RBFOX1: variants seen among roughly 807,000 people sequenced by gnomAD.
RBFOX1 encodes the protein RNA binding fox-1 homolog 1.
In RBFOX1, 8 loss-of-function variants were observed where a neutral mutation model predicts 57.7. The observed-to-expected ratio is 0.14, with a 90% CI of 0.08 to 0.25. The LOEUF is 0.25. Ranked by LOEUF, RBFOX1 falls within the 10% of genes least tolerant of loss-of-function variation. The pLI is 1.00. For synonymous variants in RBFOX1, 326 were observed against 222.4 expected, an observed-to-expected ratio of 1.47 and a Z score of -4.15; for missense variants, 611 against 548.5, an observed-to-expected ratio of 1.11 and a Z score of -1.14.
At chr16:6,897,002 G>A (rs1412392643) in intron 3 of RBFOX1, among the ~76,000 whole-genome samples, 1 of 152,188 alleles carries the variant, frequency 6.6e-6, no homozygotes. Context: ...AACAGCAGCA[G>A]GGGACGCACC....
intron 3 of RBFOX1, among the ~76,000 whole-genome samples, chr16:7,008,290 C>A (rs972265828): frequency 3.9e-5 from 6 of 151,916 alleles, no homozygotes; most frequent in Non-Finnish European, 7.4e-5. Context: ...ACCTGTAATC[C>A]CAGCACTTTG....
chr16:6,936,799 G>C (rs1323356077), intron 3 of RBFOX1, among the ~76,000 whole-genome samples: 2 of 152,046 alleles, frequency 1.3e-5, no homozygotes, highest in African/African-American at 4.8e-5. Flanking sequence ...TTGAAAGCCT[G>C]TGCCCAAAAC....
At chr16:7,608,926 C>G (rs2056881429) in intron 10 of RBFOX1, among the ~76,000 whole-genome samples, 1 of 152,092 alleles carries the variant, frequency 6.6e-6, no homozygotes, top group South Asian at 2.1e-4. Context: ...GATGAGAGTA[C>G]TAGTCCTTCA....
chr16:5,246,196 C>A (rs377307944), intron 1 of RBFOX1, among the ~76,000 whole-genome samples: 1 of 152,122 alleles, frequency 6.6e-6, no homozygotes, highest in East Asian at 1.9e-4. Context: ...CAGCCGAGAT[C>A]GCGCCACTGC....
At chr16:5,561,659 A>T (rs967361354) in intron 2 of RBFOX1, among the ~76,000 whole-genome samples, 16 of 152,148 alleles carry the variant, frequency 1.1e-4, no homozygotes. Flanking sequence ...ATTATTAATA[A>T]TATGACTTAA....
intron 4 of RBFOX1, among the ~76,000 whole-genome samples, chr16:7,113,694 A>T (rs769046725): frequency 2.6e-5 from 4 of 152,218 alleles, no homozygotes; most frequent in Non-Finnish European, 4.4e-5. Flanking sequence ...GCATGTCAAC[A>T]TGTGGAGATC....
intron 3 of RBFOX1, among the ~76,000 whole-genome samples, chr16:6,806,785 CCTTTT>C (rs1408233963): frequency 8.6e-6 from 1 of 116,848 alleles, no homozygotes; most frequent in Non-Finnish European, 1.8e-5. Flanking sequence ...TTTTCTCTTT[CCTTTT>C]CATTTATATA....
At chr16:6,555,992 C>G (rs939707689) in intron 2 of RBFOX1, among the ~76,000 whole-genome samples, 34 of 152,146 alleles carry the variant, frequency 2.2e-4, no homozygotes, top group Non-Finnish European at 8.8e-5. Context: ...TTGGAACCGA[C>G]TACATTTTTT....
chr16:6,964,497 A>G lies in RBFOX1; in HGVS notation c.-15-87560A>G, dbSNP rs151257183. On this transcript the variant is annotated intron_variant, in intron 3 of 15. Coordinates refer to ENST00000550418, the MANE Select transcript of RBFOX1 (RefSeq NM_018723.4). ...TGTATATGGTTATCAACTGTAACAA[A>G]TTGCACCTCTGGTAGGGGGTTTTGT... Among the ~76,000 whole-genome samples the G allele has an allele frequency of 1.1e-4, 16 of 152,278 alleles. No homozygotes were observed. In the East Asian group the frequency reaches 3.1e-3, roughly 29 times the overall value.
chr16:5,477,323 CGTTGGCAGATGGAT>C (rs1256333533), intron 2 of RBFOX1, among the ~76,000 whole-genome samples: 1 of 152,120 alleles, frequency 6.6e-6, no homozygotes, highest in African/African-American at 2.4e-5. Flanking sequence ...TGCGCTGCTA[CGTTGGCAGATGGAT>C]GATGGTGATG....
chr16:7,318,592 T>A (rs1476785834), intron 4 of RBFOX1, among the ~76,000 whole-genome samples: 2 of 152,240 alleles, frequency 1.3e-5, no homozygotes. Flanking sequence ...TTAATGTTTG[T>A]TAAAATCAGA....
chr16:7,099,339 C>G (rs983759682), intron 4 of RBFOX1, among the ~76,000 whole-genome samples: 4 of 152,092 alleles, frequency 2.6e-5, no homozygotes, highest in Non-Finnish European at 4.4e-5. Flanking sequence ...TCATTTTGTA[C>G]CAGCTTCTCC....
At chr16:5,816,538 A>G (rs1441472075) in intron 3 of RBFOX1, among the ~76,000 whole-genome samples, 3 of 152,142 alleles carry the variant, frequency 2.0e-5, no homozygotes, top group Admixed American at 6.5e-5. Flanking sequence ...GGCATGGATC[A>G]TGCTTGTAAT....
chr16:7,469,911 T>A (rs557399235), intron 4 of RBFOX1, among the ~76,000 whole-genome samples: 1 of 152,340 alleles, frequency 6.6e-6, no homozygotes, highest in South Asian at 2.1e-4. Context: ...AAGTACCTCA[T>A]ATAAATGGAA....
chr16:6,683,214 G>T (rs774932111), intron 3 of RBFOX1, among the ~76,000 whole-genome samples: 3 of 152,142 alleles, frequency 2.0e-5, no homozygotes, highest in Admixed American at 6.5e-5. Flanking sequence ...AAGGGTGAGA[G>T]AACTGTTCTA....
At chr16:6,487,624 T>C (rs1388663060) in intron 2 of RBFOX1, among the ~76,000 whole-genome samples, 1 of 141,650 alleles carries the variant, frequency 7.1e-6, no homozygotes, top group Non-Finnish European at 1.5e-5. Context: ...AAAGATACAA[T>C]TATAGTAGAA....
intron 3 of RBFOX1, among the ~76,000 whole-genome samples, chr16:6,929,703 G>A (rs1597501639): frequency 6.8e-6 from 1 of 146,264 alleles, no homozygotes; most frequent in East Asian, 2.0e-4. Flanking sequence ...GTTACTACGG[G>A]GTTATTTTTT....
chr16:6,836,851 A>G (rs2093135850), intron 3 of RBFOX1, among the ~76,000 whole-genome samples: 2 of 152,224 alleles, frequency 1.3e-5, no homozygotes, highest in South Asian at 2.1e-4. Flanking sequence ...TCCATGATGC[A>G]GAATACTTAC....
At chr16:7,513,549 G>C (rs951872129) in intron 4 of RBFOX1, among the ~76,000 whole-genome samples, 1 of 152,158 alleles carries the variant, frequency 6.6e-6, no homozygotes, top group Non-Finnish European at 1.5e-5. Context: ...CAAGGTAGTC[G>C]TATACTCTGT....
Sources: gnomAD v4.1 joint callset for allele counts (sites outside exome capture counted in the v4.1 genomes callset) on GRCh38, gnomAD v4.1.1 for gene constraint, MANE v1.5 for transcripts, NCBI Gene and HGNC (gene_info 2026-07-23, HGNC 2026-07-21) for gene names.